Variants in TMEM236 observed in about 807,000 individuals in gnomAD.
The protein encoded by TMEM236 is transmembrane protein 236, also known as family with sequence similarity 23, member A.
In TMEM236, 11 loss-of-function variants were observed where a neutral mutation model predicts 14.7. The observed-to-expected ratio is 0.75, with a 90% CI of 0.47 to 1.24. The LOEUF (loss-of-function observed/expected upper bound fraction) is 1.24, where lower values mean the gene tolerates loss of function less well. Among genes scored for constraint, TMEM236 ranks in the 50% most tolerant of loss-of-function variants. The pLI is 0.00. For missense variants in TMEM236, 464 were observed against 427.3 expected (o/e 1.09, Z -0.76); for synonymous variants, 182 against 168.6 (o/e 1.08, Z -0.62).
rs1453672020 is a variant in TMEM236 at position 17,776,128 on chromosome 10, A to G, written c.430A>G (p.Ile144Val). ...GTTATCCCTGATCATGGTTGATATT[A>G]TTGAAAAACTCAGGATATATCCTCT... The part of the protein sequence containing the change: ...VLLSLIMVDI[I>V]EKLRIYPLRG... The change falls in exon 3 of 4, where the codon ATT becomes GTT. Residue 144 changes from isoleucine (I) to valine (V), a missense_variant. Coordinates refer to ENST00000377495, the MANE Select transcript of TMEM236 (RefSeq NM_001098844.3). The G allele has an allele frequency of 1.2e-6, 2 of 1,613,648 alleles. No homozygotes were observed. The highest frequency in any genetic ancestry group is 1.3e-5 in the African/African-American group (1 of 74,918).
chr10:17,757,011 G>C (rs1161583672), intron 1 of TMEM236, among the ~76,000 whole-genome samples: 3 of 152,106 alleles, frequency 2.0e-5, no homozygotes, highest in African/African-American at 7.2e-5. Flanking sequence ...CTGTTTTGCC[G>C]GTGTTGCTGG....
At chr10:17,773,477 AC>A (rs1554834996) in intron 2 of TMEM236, among the ~76,000 whole-genome samples, 5 of 152,106 alleles carry the variant, frequency 3.3e-5, no homozygotes, top group Admixed American at 2.6e-4. Context: ...AGCTGGGATT[AC>A]AGGTGCCCAC....
intron 1 of TMEM236, among the ~76,000 whole-genome samples, chr10:17,765,100 A>G (rs1009505128): frequency 1.2e-4 from 18 of 152,064 alleles, no homozygotes; most frequent in Non-Finnish European, 2.1e-4. Flanking sequence ...AATTACAGGC[A>G]CGAGCCACCA....
chr10:17,777,784 T>C (rs1837682887), intron 3 of TMEM236, among the ~76,000 whole-genome samples: 1 of 152,168 alleles, frequency 6.6e-6, no homozygotes, highest in Non-Finnish European at 1.5e-5. Context: ...GGAGTCTTGC[T>C]CTGGAATGCA....
intron 1 of TMEM236, among the ~76,000 whole-genome samples, chr10:17,767,826 G>A (rs1837493471): frequency 1.3e-5 from 2 of 152,048 alleles, no homozygotes; most frequent in South Asian, 4.2e-4. Context: ...ACGGTTGTAG[G>A]AGAGACTTCA....
At chr10:17,762,603 A>G (rs1161153154) in intron 1 of TMEM236, among the ~76,000 whole-genome samples, 1 of 79,080 alleles carries the variant, frequency 1.3e-5, no homozygotes, top group Non-Finnish European at 2.1e-5. Flanking sequence ...ATATATATAT[A>G]TATATATATA....
chr10:17,786,444 G>A (rs1369160087), intron 3 of TMEM236, among the ~76,000 whole-genome samples: 5 of 152,086 alleles, frequency 3.3e-5, no homozygotes, highest in African/African-American at 9.7e-5. Context: ...CTGCAGCCTC[G>A]ACCTCCTGAG....
intron 3 of TMEM236, among the ~76,000 whole-genome samples, chr10:17,777,311 C>T (rs2461194): frequency 0.084 from 12,843 of 152,136 alleles, 591 homozygotes; most frequent in Non-Finnish European, 0.1. Flanking sequence ...AGATGGCAGC[C>T]GGGGCCATCT....
At chr10:17,755,154 T>G (rs1837267975) in intron 1 of TMEM236, among the ~76,000 whole-genome samples, 1 of 151,656 alleles carries the variant, frequency 6.6e-6, no homozygotes, top group African/African-American at 2.4e-5. Flanking sequence ...TTTCTTCATG[T>G]TGGCCATGCT....
intron 1 of TMEM236, among the ~76,000 whole-genome samples, chr10:17,760,103 G>T (rs1196425601): frequency 2.0e-5 from 3 of 151,716 alleles, no homozygotes; most frequent in Non-Finnish European, 4.4e-5. Context: ...TGCACTGCTG[G>T]ACACACGGGC....
intron 3 of TMEM236, among the ~76,000 whole-genome samples, chr10:17,790,274 C>A (rs1837905417): frequency 6.6e-6 from 1 of 152,136 alleles, no homozygotes; most frequent in South Asian, 2.1e-4. Context: ...GTTCTGCTTT[C>A]TAAGGTTTAG....
chr10:17,792,564 A>G (rs1837943729), intron 3 of TMEM236, among the ~76,000 whole-genome samples: 4 of 152,204 alleles, frequency 2.6e-5, no homozygotes, highest in Admixed American at 2.6e-4. Flanking sequence ...CAACTAAGTA[A>G]AGTATGTAAC....
Position 17,775,300 on chromosome 10 carries a change from G to T in TMEM236, c.331-729G>T, listed in dbSNP as rs956416284. On this transcript the variant is annotated intron_variant, in intron 2 of 3. Transcript: ENST00000377495. ...TTTGTTTCTGTTTTTTGTGGGGCAG[G>T]GTCTTGCTCTGTCACCCAAGCTAGA... is the stretch of plus-strand genomic sequence containing the variant. Among the ~76,000 whole-genome samples, 199 of 152,110 alleles carry T rather than the reference G, an allele frequency of 1.3e-3. 1 individual carries two copies. Among genetic ancestry groups the T allele is most frequent in the Middle Eastern group, 0.01 (3 of 294 alleles).
intron 3 of TMEM236, among the ~76,000 whole-genome samples, chr10:17,784,937 G>A (rs1357928326): frequency 6.6e-6 from 1 of 152,108 alleles, no homozygotes; most frequent in Non-Finnish European, 1.5e-5. Flanking sequence ...CCAGGAATTT[G>A]TTCTGGGGCC....
chr10:17,792,768 A>C (rs1185485085), intron 3 of TMEM236, among the ~76,000 whole-genome samples: 2 of 152,196 alleles, frequency 1.3e-5, no homozygotes, highest in Non-Finnish European at 2.9e-5. Context: ...CTTTATGCTT[A>C]TATCTTCTAT....
At chr10:17,771,475 C>A in intron 2 of TMEM236, 94 bp downstream of exon 2, 1 of 1,218,388 alleles carries the variant, frequency 8.2e-7, no homozygotes, top group South Asian at 1.2e-5. Context: ...CAACAAATTT[C>A]TTGACATCTA....
At chr10:17,756,866 T>C (rs941603580) in intron 1 of TMEM236, among the ~76,000 whole-genome samples, 5 of 152,188 alleles carry the variant, frequency 3.3e-5, no homozygotes, top group Non-Finnish European at 4.4e-5. Flanking sequence ...GGTATACCAG[T>C]CATCTCTGGT....
chr10:17,793,667 G>A (rs1194977883), intron 3 of TMEM236, among the ~76,000 whole-genome samples: 1 of 151,954 alleles, frequency 6.6e-6, no homozygotes, highest in Non-Finnish European at 1.5e-5. Context: ...TGTATTTTTA[G>A]TAGAAATGGG....
intron 3 of TMEM236, among the ~76,000 whole-genome samples, 159 bp from the exon 4 acceptor site, chr10:17,795,762 A>T (rs1157556349): frequency 1.3e-5 from 2 of 152,238 alleles, no homozygotes; most frequent in Non-Finnish European, 2.9e-5. Flanking sequence ...TGTCCTGCAC[A>T]TGTATCCTGG....
Sources: gnomAD v4.1 joint callset for allele counts (sites outside exome capture counted in the v4.1 genomes callset) on GRCh38, gnomAD v4.1.1 for gene constraint, MANE v1.5 for transcripts, NCBI Gene and HGNC (gene_info 2026-07-23, HGNC 2026-07-21) for gene names.